The following TECPR2 variants were observed in gnomAD, a reference collection of about 807,000 sequenced individuals.
TECPR2 encodes the protein tectonin beta-propeller repeat containing 2, also known as tectonin beta-propeller repeat-containing protein 2.
Under a neutral mutation model 138.1 loss-of-function variants are expected in TECPR2, and 65 were observed. The ratio of observed to expected loss-of-function variants is 0.47; its 90% CI spans 0.39 to 0.58. The LOEUF (loss-of-function observed/expected upper bound fraction) is 0.58. Ranked by LOEUF, TECPR2 falls within the 20% of genes least tolerant of loss-of-function variation. The pLI, the probability that TECPR2 is intolerant of heterozygous loss-of-function variation, is 0.00. For synonymous variants in TECPR2, 746 were observed against 749.8 expected (o/e 0.99, Z 0.08); for missense variants, 1,553 against 1,824.5 (o/e 0.85, Z 2.71).
intron 16 of TECPR2, among the ~76,000 whole-genome samples, chr14:102,462,568 C>A (rs145709782): frequency 5.0e-4 from 76 of 152,302 alleles, no homozygotes; most frequent in Non-Finnish European, 8.7e-4. Context: ...TTGCTACACT[C>A]CGTGGGCTGT....
rs773443293 is a variant in TECPR2, at chr14:102,498,157, G to A, written c.4136G>A (p.Arg1379Gln). The A allele has an allele frequency of 9.3e-6, 15 of 1,613,052 alleles. No individual in the cohort carries two copies. The highest frequency in any genetic ancestry group is 8.0e-5 in the African/African-American group (6 of 74,938). ...AVGPPGYLLQRLTKTFSHSHG... is the reference protein window; with the variant it reads ...AVGPPGYLLQQLTKTFSHSHG... Reference sequence around the variant, plus strand: ...GGCCCGCCCGGCTACCTCCTCCAACGGCTGACAAAGACGTTCAGCCACTCG... The same window carrying A: ...GGCCCGCCCGGCTACCTCCTCCAACAGCTGACAAAGACGTTCAGCCACTCG... Residue 1379 changes from arginine (R) to glutamine (Q), a missense_variant, in exon 20 of 20, where the codon CGG (arginine) becomes CAG (glutamine). Arg to Gln is a conservative substitution (Grantham distance 43, BLOSUM62 1). Coordinates refer to ENST00000359520, the MANE Select transcript of TECPR2 (RefSeq NM_014844.5).
chr14:102,464,780 C>A (rs1412350506), intron 16 of TECPR2, among the ~76,000 whole-genome samples: 1 of 152,192 alleles, frequency 6.6e-6, no homozygotes, highest in African/African-American at 2.4e-5. Flanking sequence ...TCTGAGGAAG[C>A]TGACGATGGG....
chr14:102,410,566 C>T (rs947029412), intron 4 of TECPR2, among the ~76,000 whole-genome samples: 1 of 151,476 alleles, frequency 6.6e-6, no homozygotes, highest in Non-Finnish European at 1.5e-5. Context: ...ACTTTTACCA[C>T]TTTCCCTTCT....
chr14:102,483,462 G>GAT (rs1890941610), intron 17 of TECPR2, among the ~76,000 whole-genome samples: 1 of 70,766 alleles, frequency 1.4e-5, no homozygotes, highest in Non-Finnish European at 2.6e-5. Context: ...TTGTTTTTGA[G>GAT]ACGGTCTCTC....
chr14:102,469,374 C>T (rs1412975252), intron 17 of TECPR2, among the ~76,000 whole-genome samples: 2 of 152,084 alleles, frequency 1.3e-5, no homozygotes, highest in Non-Finnish European at 2.9e-5. Flanking sequence ...TTTCAGATTG[C>T]CCATTGCTAG....
rs1359668976 is a variant in TECPR2 at position 102,440,379 on chromosome 14, G to A, written c.2579-57G>A. The A allele has an allele frequency of 4.4e-6, 7 of 1,585,290 alleles. No individual in the cohort carries two copies. In the East Asian group the frequency reaches 6.7e-5, roughly 15 times the overall value. On this transcript the variant is annotated intron_variant, in intron 10 of 19. Transcript: ENST00000359520. ...CTCAATGCCCAGCATGAAGACTTTT[G>A]TATAGAAATATATTCTAGTATTTAT...
intron 1 of TECPR2, among the ~76,000 whole-genome samples, chr14:102,368,447 C>T (rs1887405537): frequency 6.6e-6 from 1 of 152,160 alleles, no homozygotes; most frequent in South Asian, 2.1e-4. Flanking sequence ...TTCAATCGAT[C>T]TTCCCACCCC....
chr14:102,421,193 G>A (rs1468456525), intron 5 of TECPR2, among the ~76,000 whole-genome samples: 2 of 152,182 alleles, frequency 1.3e-5, no homozygotes, highest in Admixed American at 1.3e-4. Context: ...GGATCGCCAA[G>A]AGAAATTGAT....
At chr14:102,422,757 T>C (rs543554650) in intron 5 of TECPR2, among the ~76,000 whole-genome samples, 1 of 152,248 alleles carries the variant, frequency 6.6e-6, no homozygotes, top group African/African-American at 2.4e-5. Context: ...AGAACATTGG[T>C]TGGGTGACTG....
rs1465965819 is a variant in TECPR2, at chr14:102,498,235, A to T, written c.4214A>T (p.Glu1405Val). ...GCCATGCCCCACCCTGAGGACCTGG[A>T]GGACGAGTGGGAGGTCATCTGAAGG... ...QAAMPHPEDL[E>V]DEWEVI Residue 1405 changes from glutamate to valine, a missense_variant, in exon 20 of 20, where the codon GAG becomes GTG. Transcript: ENST00000359520. The T allele has an allele frequency of 6.2e-7, 1 of 1,603,744 alleles. No homozygotes were observed. Among genetic ancestry groups the T allele is most frequent in the Non-Finnish European group, 8.5e-7 (1 of 1,179,884 alleles).
In TECPR2 at chr14:102,367,994, CTTTTTTTTTTTTTTTTTTT is replaced by C. The variant is rs56325877; in HGVS notation, c.-73+4890_-73+4908del. Among the ~76,000 whole-genome samples, 247 of 65,872 alleles carry C rather than the reference CTTTTTTTTTTTTTTTTTTT, an allele frequency of 3.7e-3. 1 individual carries two copies. Among genetic ancestry groups the C allele is most frequent in the African/African-American group, 0.014 (206 of 14,322 alleles). 43.2% of individuals were successfully genotyped at this position (65,872 alleles called of 152,430 possible). A position where few individuals can be genotyped will look rare whatever the true frequency, so the allele number is the denominator to read the frequency against. On this transcript the variant is annotated intron_variant, in intron 1 of 19. Transcript: ENST00000359520. ...AACATCTTTTTATGTGCTTATTGGC[CTTTTTTTTTTTTTTTTTTT>C]TTTTTTTTTTTGGAAATAAAGTCTC... is the stretch of plus-strand genomic sequence containing the variant.
chr14:102,363,007 C>G lies in TECPR2; in HGVS notation c.-182C>G. ...CTGCTCTTCGGTGCTGGCCCCGGTGCCGGCCCCGTTGCCCAGGGAACAGGC... is the reference window on the plus strand; with the variant it reads ...CTGCTCTTCGGTGCTGGCCCCGGTGGCGGCCCCGTTGCCCAGGGAACAGGC... On this transcript the variant is annotated 5_prime_UTR_variant, in exon 1 of 20. Coordinates refer to ENST00000359520, the MANE Select transcript of TECPR2 (RefSeq NM_014844.5). 1.0e-6 allele frequency: 1 copy of G among 994,796 alleles called. No individual in the cohort carries two copies. Among genetic ancestry groups the G allele is most frequent in the Admixed American group, 2.4e-5 (1 of 41,052 alleles). 61.6% of individuals were successfully genotyped at this position (994,796 alleles called of 1,614,324 possible). A position where few individuals can be genotyped will look rare whatever the true frequency, so the allele number is the denominator to read the frequency against.
intron 17 of TECPR2, among the ~76,000 whole-genome samples, chr14:102,496,690 C>T (rs1891289118): frequency 6.6e-6 from 1 of 152,216 alleles, no homozygotes. Context: ...TCTCATTCCT[C>T]CACTCTCTGT....
chr14:102,466,269 A>G (rs1330632605), intron 17 of TECPR2, among the ~76,000 whole-genome samples: 5 of 152,164 alleles, frequency 3.3e-5, no homozygotes, highest in African/African-American at 1.2e-4. Flanking sequence ...GGTCATGGCC[A>G]CAGGGAGGCT....
chr14:102,403,341 G>C (rs1303649827), intron 2 of TECPR2, among the ~76,000 whole-genome samples: 1 of 152,034 alleles, frequency 6.6e-6, no homozygotes, highest in African/African-American at 2.4e-5. Context: ...ACCCTTTTAT[G>C]GTAAAAACAC....
intron 4 of TECPR2, among the ~76,000 whole-genome samples, chr14:102,411,331 G>A (rs1272510587): frequency 2.6e-5 from 4 of 152,198 alleles, no homozygotes; most frequent in African/African-American, 9.7e-5. Context: ...CATCCCCTGT[G>A]ACTTCCACGT....
chr14:102,426,575 C>T (rs920761197), intron 6 of TECPR2, among the ~76,000 whole-genome samples: 2 of 152,248 alleles, frequency 1.3e-5, no homozygotes, highest in Middle Eastern at 3.4e-3. Context: ...TTCAGCCAGG[C>T]GCAGTGGCTT....
chr14:102,399,165 G>A (rs986137569), intron 2 of TECPR2, among the ~76,000 whole-genome samples: 2 of 152,158 alleles, frequency 1.3e-5, no homozygotes, highest in Admixed American at 6.5e-5. Context: ...GGGTGCCTGA[G>A]GCACAAGAAT....
In TECPR2 at chr14:102,420,473, C is replaced by T. The variant is rs75172091; in HGVS notation, c.639-4506C>T. On this transcript the variant is annotated intron_variant, in intron 5 of 19. Transcript: ENST00000359520. This position sits in a 1 kb window ranked among gnomAD's most constrained non-coding sequence, Gnocchi z 4.1. ...GACCAACCCACTCATCAGACATTTC[C>T]GTTCTTTTTATTTTTTAGAGACAGG... is the stretch of plus-strand genomic sequence containing the variant. 8.3e-4 allele frequency among the ~76,000 whole-genome samples: 127 copies of T among 152,122 alleles called. No homozygotes were observed. In the East Asian group the frequency reaches 0.018, roughly 22 times the overall value.
Sources: allele counts gnomAD v4.1 joint callset (sites outside exome capture counted in the v4.1 genomes callset), GRCh38; gene constraint gnomAD v4.1.1; non-coding constraint Gnocchi (gnomAD v3.1); transcripts MANE v1.5; gene names NCBI Gene and HGNC (gene_info 2026-07-23, HGNC 2026-07-21).